Variants in GSE1 observed in about 807,000 individuals in gnomAD.
GSE1 encodes the protein genetic suppressor element 1.
Under a neutral mutation model 112.6 loss-of-function variants are expected in GSE1, and 32 were observed. The ratio of observed to expected loss-of-function variants is 0.28; its 90% confidence interval spans 0.21 to 0.38. The LOEUF is 0.38. Among genes scored for constraint, GSE1 ranks in the 10% least tolerant of loss-of-function variants. GSE1 has a pLI of 1.00. For missense variants in GSE1, 2,348 were observed against 1,699.2 expected (o/e 1.38, Z -6.71); for synonymous variants, 1,115 against 735.6 (o/e 1.52, Z -8.35).
In GSE1 at chr16:85,526,431, G is replaced by A. The variant is rs998495846; in HGVS notation, c.2465-107483G>A. ...GGGTGAGAAGAACGGCCAGTCCCAC[G>A]CGCGCCAGCAGCCAGGACTGCTGGA... On this transcript the variant is annotated intron_variant, in intron 2 of 2. Transcript: ENST00000637419. Among the ~76,000 whole-genome samples the A allele has an allele frequency of 4.6e-5, 7 of 152,234 alleles. No homozygotes were observed. In the East Asian group the frequency reaches 7.7e-4, roughly 17 times the overall value.
At chr16:85,519,726 CATCACCATCACCACCATCA>C (rs2052113015) in intron 2 of GSE1, among the ~76,000 whole-genome samples, 1 of 75,502 alleles carries the variant, frequency 1.3e-5, no homozygotes, top group African/African-American at 5.2e-5. Flanking sequence ...TCATCATCAC[CATCACCATCACCACCATCA>C]GCATCACCAT....
intron 2 of GSE1, among the ~76,000 whole-genome samples, chr16:85,449,907 G>A (rs929576413): frequency 6.6e-6 from 1 of 152,176 alleles, no homozygotes; most frequent in Non-Finnish European, 1.5e-5. Flanking sequence ...TGCCTCTTCT[G>A]CCTGCCGCTG....
At chr16:85,660,999 G>A in intron 8 of GSE1, 147 bp from the exon 9 acceptor site, 1 of 641,094 alleles carries the variant, frequency 1.6e-6, no homozygotes, top group Non-Finnish European at 2.7e-6. Flanking sequence ...GGTGGAGTGT[G>A]TGTCCCCTCC....
At chr16:85,298,228 C>T (rs2045421365) in intron 1 of GSE1, among the ~76,000 whole-genome samples, 1 of 152,068 alleles carries the variant, frequency 6.6e-6, no homozygotes, top group African/African-American at 2.4e-5. Flanking sequence ...GGTGCAGGGC[C>T]CTCTGAGTCT....
chr16:85,387,292 G>A (rs933076301), intron 2 of GSE1, among the ~76,000 whole-genome samples: 3 of 151,772 alleles, frequency 2.0e-5, no homozygotes, highest in Admixed American at 6.6e-5. Context: ...CTTTCCCGAC[G>A]CCTTGCCATT....
At chr16:85,493,449 A>G (rs890352987) in intron 2 of GSE1, among the ~76,000 whole-genome samples, 7 of 152,000 alleles carry the variant, frequency 4.6e-5, no homozygotes, top group African/African-American at 1.7e-4. Context: ...CCATCTTTAC[A>G]AAAAATTATA....
At chr16:85,511,726 T>G (rs562630616) in intron 2 of GSE1, among the ~76,000 whole-genome samples, 1 of 152,076 alleles carries the variant, frequency 6.6e-6, no homozygotes, top group African/African-American at 2.4e-5. Flanking sequence ...AGAGGGAGAT[T>G]TGAGACACGC....
chr16:85,537,916 C>T (rs535142140), intron 2 of GSE1, among the ~76,000 whole-genome samples: 9 of 152,330 alleles, frequency 5.9e-5, no homozygotes, highest in African/African-American at 2.2e-4. Context: ...GATAGCCAGA[C>T]AGAGGCCTGA....
intron 1 of GSE1, among the ~76,000 whole-genome samples, chr16:85,620,165 G>T (rs967272191): frequency 6.6e-6 from 1 of 152,112 alleles, no homozygotes. Context: ...ATGCGCCTGT[G>T]GTTCCAGCTA....
intron 2 of GSE1, among the ~76,000 whole-genome samples, chr16:85,393,902 T>TG (rs1350564924): frequency 6.6e-6 from 1 of 151,990 alleles, no homozygotes; most frequent in Admixed American, 6.5e-5. Flanking sequence ...GCCGCCAGCT[T>TG]GCGCCCGGCA....
In GSE1 at chr16:85,234,069, G is replaced by A. The variant is rs11149725; in HGVS notation, c.2283+62262G>A. Among the ~76,000 whole-genome samples the A allele has an allele frequency of 3.9e-5, 6 of 152,002 alleles. No individual in the cohort carries two copies. The East Asian group carries it at 9.7e-4, about 25-fold the overall frequency. ...AGGTTCAATAGGACAAGACCAGGGC[G>A]AGGGAATCTGCATTTTAACAACCAT... On this transcript the variant is annotated intron_variant, in intron 1 of 2. Coordinates refer to the GSE1 transcript ENST00000637419.
At chr16:85,622,610 T>C (rs2048811686) in intron 1 of GSE1, among the ~76,000 whole-genome samples, 1 of 152,200 alleles carries the variant, frequency 6.6e-6, no homozygotes, top group Non-Finnish European at 1.5e-5. Flanking sequence ...GAGGGTCTGG[T>C]CCGCCACTTT....
intron 2 of GSE1, among the ~76,000 whole-genome samples, chr16:85,478,967 C>CTTTTTTTTT (rs1491410046): frequency 0.022 from 388 of 18,042 alleles, 90 homozygotes; most frequent in African/African-American, 0.19. Context: ...TTCTTTCTTT[C>CTTTTTTTTT]CTTCCTTCCT....
intron 2 of GSE1, among the ~76,000 whole-genome samples, chr16:85,460,182 G>T (rs1376066061): frequency 6.6e-6 from 1 of 152,200 alleles, no homozygotes; most frequent in African/African-American, 2.4e-5. Context: ...CACCAAGTGT[G>T]TTCAAGGTCA....
upstream of GSE1, among the ~76,000 whole-genome samples, chr16:85,609,069 T>A (rs1021676026): frequency 1.2e-4 from 19 of 152,164 alleles, no homozygotes; most frequent in Admixed American, 1.0e-3. Flanking sequence ...CAGTCACGGG[T>A]GGCGCCCGCA....
intron 2 of GSE1, among the ~76,000 whole-genome samples, chr16:85,636,869 T>C (rs914100734): frequency 6.6e-6 from 1 of 152,068 alleles, no homozygotes; most frequent in African/African-American, 2.4e-5. Flanking sequence ...TCCCTGTGGG[T>C]TGTGGAGTCC....
chr16:85,669,286 T>G (rs2053135443), intron 14 of GSE1, among the ~76,000 whole-genome samples: 2 of 152,272 alleles, frequency 1.3e-5, no homozygotes, highest in South Asian at 4.1e-4. Flanking sequence ...GTAATTGATT[T>G]AACATGTCCT....
At chr16:85,413,046 T>C (rs2048617818) in intron 2 of GSE1, among the ~76,000 whole-genome samples, 1 of 152,234 alleles carries the variant, frequency 6.6e-6, no homozygotes, top group Admixed American at 6.5e-5. Context: ...GGTTCCGTGC[T>C]GCTGCTGGAG....
rs572535169 is a variant in GSE1 at position 85,537,859 on chromosome 16, A to G, written c.2465-96055A>G. 1.1e-4 allele frequency among the ~76,000 whole-genome samples: 17 copies of G among 152,274 alleles called. No homozygotes were observed. In the South Asian group the frequency reaches 2.9e-3, roughly 26 times the overall value. Reference sequence around the variant, plus strand: ...TGGGGCGGTTGGGGTGGGCCTCTCTATGGAGTTTGTGTTTGAGTACAGGCT... The same window carrying G: ...TGGGGCGGTTGGGGTGGGCCTCTCTGTGGAGTTTGTGTTTGAGTACAGGCT... On this transcript the variant is annotated intron_variant, in intron 2 of 2. Transcript: ENST00000637419.
Sources: allele counts gnomAD v4.1 joint callset (sites outside exome capture counted in the v4.1 genomes callset), GRCh38; gene constraint gnomAD v4.1.1; transcripts MANE v1.5; gene names NCBI Gene and HGNC (gene_info 2026-07-23, HGNC 2026-07-21).